The following ACTA2 variants were observed in gnomAD, a reference collection of about 807,000 sequenced individuals.
ACTA2 encodes actin, aortic smooth muscle.
ACTA2 carries 12 observed loss-of-function variants against 39.5 expected under a neutral mutation model. The observed-to-expected ratio is 0.30, with a 90% confidence interval of 0.19 to 0.49. The LOEUF is 0.49. ACTA2 is among the 20% of genes least tolerant of loss of function. The pLI, the probability that ACTA2 is intolerant of heterozygous loss-of-function variation, is 0.99. For missense variants in ACTA2, 236 were observed against 498.8 expected (o/e 0.47, Z 5.02); for synonymous variants, 158 against 180.6 (o/e 0.88, Z 1.00).
chr10:88,935,172 A>G lies in ACTA2; in HGVS notation c.*51T>C. 6.2e-7 allele frequency: 1 copy of G among 1,608,498 alleles called. No individual in the cohort carries two copies. The highest frequency in any genetic ancestry group is 1.1e-5 in the South Asian group (1 of 90,944). On this transcript the variant is annotated 3_prime_UTR_variant, in exon 9 of 9. Transcript: ENST00000224784. Reference sequence around the variant, plus strand: ...GGAAAAGAACTGAAGGCATAATTCCACAGGACATTCACAGTTGTGTGCTAG... The same window carrying G: ...GGAAAAGAACTGAAGGCATAATTCCGCAGGACATTCACAGTTGTGTGCTAG...
At chr10:88,983,076 A>G (rs1355564936) in intron 1 of ACTA2, among the ~76,000 whole-genome samples, 4 of 152,200 alleles carry the variant, frequency 2.6e-5, no homozygotes, top group Non-Finnish European at 4.4e-5. Context: ...AATAATATTG[A>G]CAGGTAGTTT....
intron 1 of ACTA2, among the ~76,000 whole-genome samples, chr10:88,966,577 G>A (rs745788799): frequency 6.6e-6 from 1 of 152,172 alleles, no homozygotes; most frequent in Non-Finnish European, 1.5e-5. Flanking sequence ...AAGCAGAAGA[G>A]GTTGATAGTT....
chr10:88,937,640 G>C (rs1050259852), intron 8 of ACTA2, among the ~76,000 whole-genome samples: 2 of 152,208 alleles, frequency 1.3e-5, no homozygotes, highest in East Asian at 3.8e-4. Context: ...AGTGGAGGAA[G>C]AGTATAAGCT....
intron 6 of ACTA2, 184 bp downstream of exon 6, chr10:88,941,045 A>C: frequency 1.4e-6 from 1 of 711,318 alleles, no homozygotes. Flanking sequence ...CTCCTCAAGG[A>C]AATAGTGTAA....
Position 88,950,686 on chromosome 10 carries a change from T to C in ACTA2, c.-23-1733A>G, listed in dbSNP as rs147069235. On this transcript the variant is annotated intron_variant, in intron 1 of 8. Coordinates refer to ENST00000224784, the MANE Select transcript of ACTA2 (RefSeq NM_001613.4). ...GATCACAGTGATTATGAGCTTAGACTCTGAAGTCAGACTGCCTGGATTTGA... is the reference window on the plus strand; with the variant it reads ...GATCACAGTGATTATGAGCTTAGACCCTGAAGTCAGACTGCCTGGATTTGA... 4.4e-3 allele frequency among the ~76,000 whole-genome samples: 676 copies of C among 152,342 alleles called. 6 individuals are homozygous for C. The highest frequency in any genetic ancestry group is 0.015 in the African/African-American group (639 of 41,580).
chr10:88,982,255 A>G (rs552986402), intron 1 of ACTA2, among the ~76,000 whole-genome samples: 3 of 152,346 alleles, frequency 2.0e-5, no homozygotes, highest in Admixed American at 6.5e-5. Context: ...GAATGAAATC[A>G]TATTTATAAA....
chr10:88,963,326 C>G (rs1410272220), intron 1 of ACTA2, among the ~76,000 whole-genome samples: 1 of 151,922 alleles, frequency 6.6e-6, no homozygotes, highest in Non-Finnish European at 1.5e-5. Context: ...GGGAATGGAA[C>G]TTACATTTAT....
At chr10:88,938,371 AC>A in intron 7 of ACTA2, 129 bp from the exon 8 acceptor site, 1 of 1,046,040 alleles carries the variant, frequency 9.6e-7, no homozygotes, top group Admixed American at 1.8e-5. Context: ...TAATCTAGGA[AC>A]CACCTGTCTG....
At chr10:88,948,528 G>T (rs561115804) in intron 2 of ACTA2, 1 of 418,362 alleles carries the variant, frequency 2.4e-6, no homozygotes, top group South Asian at 2.2e-5. Context: ...GTGATGAAAT[G>T]ATTTGATGAT....
At position 88,939,495 on chromosome 10, in the gene ACTA2, T is replaced by A; in HGVS notation, c.808+12A>T. On this transcript the variant is annotated intron_variant, in intron 7 of 8. Coordinates refer to ENST00000224784, the MANE Select transcript of ACTA2 (RefSeq NM_001613.4). ...GACTCCCCTTCCCAGGAAAAGGGCG[T>A]TTGTTGCCTACCGATGAAGGATGGC... The A allele has an allele frequency of 6.2e-7, 1 of 1,612,510 alleles. No homozygotes were observed. Among genetic ancestry groups the A allele is most frequent in the Non-Finnish European group, 8.5e-7 (1 of 1,179,838 alleles).
At chr10:88,949,216 G>T (rs547068023) in intron 1 of ACTA2, among the ~76,000 whole-genome samples, 8 of 152,072 alleles carry the variant, frequency 5.3e-5, no homozygotes, top group Admixed American at 5.2e-4. Context: ...ATGTGTTCTC[G>T]TGAGCACTTT....
chr10:88,967,167 C>T (rs1223641629), intron 1 of ACTA2, among the ~76,000 whole-genome samples: 1 of 152,082 alleles, frequency 6.6e-6, no homozygotes, highest in East Asian at 1.9e-4. Context: ...CTTCCTTTTC[C>T]AACAAAATTG....
In ACTA2 at chr10:88,943,624, A is replaced by T. The variant is rs1022105554; in HGVS notation, c.369+173T>A. 8.6e-6 allele frequency: 6 copies of T among 699,202 alleles called. No homozygotes were observed. In the African/African-American group the frequency reaches 8.8e-5, roughly 10 times the overall value. 43.3% of individuals were successfully genotyped at this position (699,202 alleles called of 1,614,324 possible). A position where few individuals can be genotyped will look rare whatever the true frequency, so the allele number is the denominator to read the frequency against. On this transcript the variant is annotated intron_variant, in intron 4 of 8. Transcript: ENST00000224784. Reference sequence around the variant, plus strand: ...CAAAGGGCTGGTCCCTGCAGGAAGGATGCAAGTACTTTCAAGCTGTTCCTG... The same window carrying T: ...CAAAGGGCTGGTCCCTGCAGGAAGGTTGCAAGTACTTTCAAGCTGTTCCTG...
intron 1 of ACTA2, among the ~76,000 whole-genome samples, chr10:88,975,361 G>C (rs1310100896): frequency 6.6e-6 from 1 of 152,214 alleles, no homozygotes; most frequent in African/African-American, 2.4e-5. Context: ...AGAAAAATTA[G>C]TTGAGAAGGA....
intron 2 of ACTA2, among the ~76,000 whole-genome samples, chr10:88,948,082 A>G (rs746607810): frequency 7.9e-5 from 12 of 152,234 alleles, no homozygotes; most frequent in East Asian, 1.9e-4. Flanking sequence ...CTATGGACCC[A>G]TAAAATAGCG....
At chr10:88,940,110 A>C (rs1407929466) in intron 6 of ACTA2, 1 of 262,980 alleles carries the variant, frequency 3.8e-6, no homozygotes, top group East Asian at 9.8e-5. Context: ...CTTATGCTGA[A>C]TCAGCTCCTC....
intron 1 of ACTA2, among the ~76,000 whole-genome samples, chr10:88,969,115 A>T (rs1336372505): frequency 6.6e-6 from 1 of 152,164 alleles, no homozygotes; most frequent in Non-Finnish European, 1.5e-5. Flanking sequence ...AATAATACTC[A>T]AGACAAACAC....
chr10:88,941,408 G>T lies in ACTA2; in HGVS notation c.455-18C>A. The T allele has an allele frequency of 6.2e-7, 1 of 1,613,880 alleles. No homozygotes were observed. The highest frequency in any genetic ancestry group is 1.3e-5 in the African/African-American group (1 of 75,008). ...CACGATGCCTGGGAGACAATTGGGC[G>T]TGATAAGTCACCATGGCAGCTGGCA... On this transcript the variant is annotated intron_variant, in intron 5 of 8. Transcript: ENST00000224784.
rs111265233 is a variant in ACTA2, at chr10:88,941,822, C to T, written c.417G>A (p.Gln139=). Residue 139 remains glutamine, a synonymous_variant, in exon 5 of 9, where the codon CAG becomes CAA. Transcript: ENST00000224784. ...FNVPAMYVAI[Q]AVLSLYASGR... is the part of the protein sequence containing the mutation. ...CAGAGGCATAGAGAGACAGCACCGCCTGGATAGCCACATACATGGCTGGGA... is the reference window on the plus strand; with the variant it reads ...CAGAGGCATAGAGAGACAGCACCGCTTGGATAGCCACATACATGGCTGGGA... 798 of 1,613,270 alleles carry T rather than the reference C, an allele frequency of 4.9e-4. 5 individuals carry two copies. The African/African-American group carries it at 9.8e-3, about 20-fold the overall frequency.
Sources: allele counts gnomAD v4.1 joint callset (sites outside exome capture counted in the v4.1 genomes callset), GRCh38; gene constraint gnomAD v4.1.1; transcripts MANE v1.5; gene names NCBI Gene and HGNC (gene_info 2026-07-23, HGNC 2026-07-21).